The following GABRB1 variants were observed in gnomAD, a reference collection of about 807,000 sequenced individuals.
GABRB1 encodes gamma-aminobutyric acid receptor subunit beta-1.
Under a neutral mutation model 51.6 loss-of-function variants are expected in GABRB1, and 17 were observed. The observed-to-expected ratio is 0.33, with a 90% CI of 0.23 to 0.49. The LOEUF (loss-of-function observed/expected upper bound fraction) is 0.49. Among genes scored for constraint, GABRB1 ranks in the 20% least tolerant of loss-of-function variants. The pLI, the probability that GABRB1 is intolerant of heterozygous loss-of-function variation, is 0.99. For synonymous variants in GABRB1, 247 were observed against 218.9 expected, an observed-to-expected ratio of 1.13 and a Z score of -1.14; for missense variants, 410 against 600.6, an observed-to-expected ratio of 0.68 and a Z score of 3.32.
chr4:47,231,447 A>G (rs979401246), intron 4 of GABRB1, among the ~76,000 whole-genome samples: 2 of 152,186 alleles, frequency 1.3e-5, no homozygotes, highest in South Asian at 4.1e-4. Context: ...CCATGGCTCA[A>G]TCACTAAAAG....
rs745555217 is a variant in GABRB1 at position 47,001,420 on chromosome 4, G to C, written c.-20+7494G>C. 7.2e-5 allele frequency among the ~76,000 whole-genome samples: 11 copies of C among 152,184 alleles called. No homozygotes were observed. In the East Asian group the frequency reaches 2.1e-3, roughly 29 times the overall value. Reference sequence around the variant, plus strand: ...GCCTCCCAAAGTGCTGGAATTACAGGTGTGAGCCACCATGCCCGGCCAGAT... The same window carrying C: ...GCCTCCCAAAGTGCTGGAATTACAGCTGTGAGCCACCATGCCCGGCCAGAT... On this transcript the variant is annotated intron_variant, in intron 1 of 3. Coordinates refer to the GABRB1 transcript ENST00000513567.
chr4:47,367,610 A>G (rs982182025), intron 5 of GABRB1, among the ~76,000 whole-genome samples: 1 of 152,228 alleles, frequency 6.6e-6, no homozygotes, highest in African/African-American at 2.4e-5. Context: ...TGCTTTCCCT[A>G]GAACTCCTTT....
chr4:47,152,340 T>C (rs945538004), intron 3 of GABRB1, among the ~76,000 whole-genome samples: 5 of 151,988 alleles, frequency 3.3e-5, no homozygotes, highest in South Asian at 2.1e-4. Flanking sequence ...CTGTACACTA[T>C]GCCAGGGCCC....
intron 3 of GABRB1, among the ~76,000 whole-genome samples, chr4:47,102,267 A>G (rs891683687): frequency 2.0e-5 from 3 of 151,998 alleles, no homozygotes; most frequent in African/African-American, 7.2e-5. Flanking sequence ...TGCTTTCATT[A>G]GGTGTTATTC....
chr4:47,214,806 G>A (rs1710618767), intron 4 of GABRB1, among the ~76,000 whole-genome samples: 1 of 152,056 alleles, frequency 6.6e-6, no homozygotes, highest in Admixed American at 6.6e-5. Context: ...GAGAGTACAA[G>A]GCTAACGAAT....
At chr4:47,018,093 T>TCCTCCTCTG (rs1320879023) in intron 1 of GABRB1, among the ~76,000 whole-genome samples, 3 of 151,660 alleles carry the variant, frequency 2.0e-5, no homozygotes, top group Non-Finnish European at 4.4e-5. Flanking sequence ...TTCTCCCTCT[T>TCCTCCTCTG]CCTCCTCTGC....
At position 47,346,032 on chromosome 4, in the gene GABRB1, T is replaced by C. The variant is rs1578110365; in HGVS notation, c.544+25823T>C. 2.1e-5 allele frequency among the ~76,000 whole-genome samples: 3 copies of C among 143,694 alleles called. No homozygotes were observed. The South Asian group carries it at 7.1e-4, about 34-fold the overall frequency. 94.3% of individuals were successfully genotyped at this position (143,694 alleles called of 152,430 possible). A position where few individuals can be genotyped will look rare whatever the true frequency, so the allele number is the denominator to read the frequency against. On this transcript the variant is annotated intron_variant, in intron 5 of 8. Coordinates refer to ENST00000295454, the MANE Select transcript of GABRB1 (RefSeq NM_000812.4). ...TATTCTTTGTTCTGTGGTATAAAGA[T>C]ATTGTTGAAAATGGCAAAAAAAAAA...
chr4:47,180,689 G>A (rs913037976), intron 4 of GABRB1, among the ~76,000 whole-genome samples: 10 of 151,858 alleles, frequency 6.6e-5, no homozygotes, highest in African/African-American at 2.2e-4. Context: ...GTTTTGAACG[G>A]GAGTTAATAG....
chr4:47,095,495 G>A (rs899556116), intron 3 of GABRB1, among the ~76,000 whole-genome samples: 2 of 152,190 alleles, frequency 1.3e-5, no homozygotes, highest in Non-Finnish European at 2.9e-5. Flanking sequence ...TGCAGATGGG[G>A]ACCAAGAGTG....
At chr4:47,200,794 C>T (rs1719868429) in intron 4 of GABRB1, among the ~76,000 whole-genome samples, 1 of 152,160 alleles carries the variant, frequency 6.6e-6, no homozygotes. Context: ...ATGTTAACTA[C>T]ATCCTAAGAA....
chr4:47,178,963 G>A (rs906606906), intron 4 of GABRB1, among the ~76,000 whole-genome samples: 1 of 151,910 alleles, frequency 6.6e-6, no homozygotes, highest in Non-Finnish European at 1.5e-5. Context: ...AAAAATAATG[G>A]GCCATACTTT....
intron 5 of GABRB1, among the ~76,000 whole-genome samples, chr4:47,346,518 G>A (rs1726094463): frequency 6.6e-6 from 1 of 151,288 alleles, no homozygotes; most frequent in Admixed American, 6.6e-5. Flanking sequence ...AAGGCATCTG[G>A]TAATCATGAA....
At chr4:47,318,520 G>T (rs1724964927) in intron 4 of GABRB1, among the ~76,000 whole-genome samples, 1 of 152,028 alleles carries the variant, frequency 6.6e-6, no homozygotes, top group African/African-American at 2.4e-5. Context: ...AGATTTGTAA[G>T]ATTTATCTCT....
chr4:47,021,238 AT>A (rs1250824314), intron 1 of GABRB1, among the ~76,000 whole-genome samples: 1 of 151,690 alleles, frequency 6.6e-6, no homozygotes. Flanking sequence ...TGCTAAATTT[AT>A]TTATTTATTC....
chr4:47,311,015 CG>C (rs1454538028), intron 4 of GABRB1, among the ~76,000 whole-genome samples: 1 of 135,864 alleles, frequency 7.4e-6, no homozygotes, highest in Non-Finnish European at 1.5e-5. Flanking sequence ...GAGCCAAGAT[CG>C]CACCACTGCA....
chr4:47,347,553 G>A (rs368067429), intron 5 of GABRB1, among the ~76,000 whole-genome samples: 2 of 151,992 alleles, frequency 1.3e-5, no homozygotes, highest in Admixed American at 6.6e-5. Context: ...TTCTGCCTTC[G>A]TGGCACAATC....
At chr4:47,172,544 C>G (rs1718482005) in intron 4 of GABRB1, among the ~76,000 whole-genome samples, 1 of 151,516 alleles carries the variant, frequency 6.6e-6, no homozygotes, top group African/African-American at 2.4e-5. Context: ...GCCTTTCCAG[C>G]ACATGCAGTT....
chr4:47,075,620 G>A (rs1214092101), intron 3 of GABRB1, among the ~76,000 whole-genome samples: 1 of 152,190 alleles, frequency 6.6e-6, no homozygotes. Flanking sequence ...AATGCCTATT[G>A]CAGTAACAAG....
intron 8 of GABRB1, among the ~76,000 whole-genome samples, chr4:47,424,285 G>A (rs1171068137): frequency 2.6e-5 from 4 of 152,202 alleles, no homozygotes; most frequent in African/African-American, 7.2e-5. Context: ...GCACTTACTA[G>A]CTGTGTAAAC....
Sources: gnomAD v4.1 joint callset for allele counts (sites outside exome capture counted in the v4.1 genomes callset) on GRCh38, gnomAD v4.1.1 for gene constraint, MANE v1.5 for transcripts, NCBI Gene and HGNC (gene_info 2026-07-23, HGNC 2026-07-21) for gene names.